The following TMEM196 variants were observed in gnomAD, a reference collection of about 807,000 sequenced individuals.
The protein encoded by TMEM196 is transmembrane protein 196.
Under a neutral mutation model 20.0 loss-of-function variants are expected in TMEM196, and 17 were observed. The observed-to-expected ratio is 0.85, with a 90% CI of 0.58 to 1.27. TMEM196 has a LOEUF of 1.27. Among genes scored for constraint, TMEM196 ranks in the 50% most tolerant of loss-of-function variants. The pLI, the probability that TMEM196 is intolerant of heterozygous loss-of-function variation, is 0.00. For synonymous variants in TMEM196, 113 were observed against 88.9 expected, an observed-to-expected ratio of 1.27 and a Z score of -1.52; for missense variants, 267 against 223.0, an observed-to-expected ratio of 1.20 and a Z score of -1.26.
intron 2 of TMEM196, among the ~76,000 whole-genome samples, chr7:19,727,761 G>A (rs1784052557): frequency 6.6e-6 from 1 of 152,128 alleles, no homozygotes; most frequent in South Asian, 2.1e-4. Flanking sequence ...TGTCTTTGCT[G>A]ATGTCATTCT....
intron 1 of TMEM196, among the ~76,000 whole-genome samples, chr7:19,765,693 C>T (rs1785600688): frequency 6.6e-6 from 1 of 152,066 alleles, no homozygotes; most frequent in Admixed American, 6.6e-5. Flanking sequence ...TTCTACCACC[C>T]TCTCTCACTC....
At chr7:19,755,302 C>A (rs543742343) in intron 1 of TMEM196, among the ~76,000 whole-genome samples, 1 of 152,082 alleles carries the variant, frequency 6.6e-6, no homozygotes, top group Admixed American at 6.6e-5. Flanking sequence ...TCCTCCTGGT[C>A]GACTGCTATT....
intron 1 of TMEM196, among the ~76,000 whole-genome samples, chr7:19,759,317 T>C (rs1785338087): frequency 6.6e-6 from 1 of 152,206 alleles, no homozygotes. Flanking sequence ...CTTACACCAC[T>C]CTTTTGGTCC....
chr7:19,747,309 A>G (rs1784795455), intron 1 of TMEM196, among the ~76,000 whole-genome samples: 1 of 151,780 alleles, frequency 6.6e-6, no homozygotes, highest in South Asian at 2.1e-4. Flanking sequence ...TAAAAAAAAG[A>G]AAATCCCTAT....
At chr7:19,763,374 A>G (rs1785505076) in intron 1 of TMEM196, among the ~76,000 whole-genome samples, 1 of 152,222 alleles carries the variant, frequency 6.6e-6, no homozygotes, top group South Asian at 2.1e-4. Context: ...GTACAAATTT[A>G]AAAAGAAGGC....
At chr7:19,730,250 C>T (rs905420104) in intron 1 of TMEM196, among the ~76,000 whole-genome samples, 1 of 140,674 alleles carries the variant, frequency 7.1e-6, no homozygotes, top group African/African-American at 2.7e-5. Flanking sequence ...AGCAAGACTC[C>T]GTCTCAAAAA....
At chr7:19,753,735 T>G (rs1252033004) in intron 1 of TMEM196, among the ~76,000 whole-genome samples, 1 of 152,200 alleles carries the variant, frequency 6.6e-6, no homozygotes, top group African/African-American at 2.4e-5. Flanking sequence ...TCAAATCCTA[T>G]AGTCTAATAC....
intron 1 of TMEM196, among the ~76,000 whole-genome samples, chr7:19,753,432 T>C (rs1286827241): frequency 6.6e-6 from 1 of 152,200 alleles, no homozygotes; most frequent in East Asian, 1.9e-4. Flanking sequence ...GTTCATTCTC[T>C]TTAACCCAGG....
At chr7:19,725,469 T>G (rs1449466547) in intron 3 of TMEM196, 45 bp downstream of exon 3, 7 of 1,562,732 alleles carry the variant, frequency 4.5e-6, no homozygotes, top group Admixed American at 1.7e-5. Flanking sequence ...TGGACTTCAG[T>G]CTTCATCATG....
rs1307491612 is a variant in TMEM196, at chr7:19,725,446, G to C, written c.459+68C>G. On this transcript the variant is annotated intron_variant, in intron 3 of 4. Coordinates refer to ENST00000405844, the MANE Select transcript of TMEM196 (RefSeq NM_001363562.2). The stretch of plus-strand genomic sequence containing the variant: ...AAATTGTGATCTAAAGTTTCAAGTT[G>C]ATTCACCCAGAGTGGACTTCAGTCT... The C allele has an allele frequency of 2.7e-6, 4 of 1,495,972 alleles. No individual in the cohort carries two copies. In the Admixed American group the frequency reaches 6.1e-5, roughly 23 times the overall value. The allele number at this position is 1,495,972 out of a possible 1,614,324, so 92.7% of individuals were successfully genotyped here. A position where few individuals can be genotyped will look rare whatever the true frequency, so the allele number is the denominator to read the frequency against.
intron 1 of TMEM196, among the ~76,000 whole-genome samples, chr7:19,758,766 C>T (rs1446613074): frequency 6.6e-6 from 1 of 152,192 alleles, no homozygotes; most frequent in African/African-American, 2.4e-5. Context: ...CTGCTAGAGT[C>T]TCAGGCTACA....
intron 1 of TMEM196, among the ~76,000 whole-genome samples, chr7:19,752,429 T>C (rs1785023697): frequency 6.6e-6 from 1 of 152,100 alleles, no homozygotes; most frequent in Non-Finnish European, 1.5e-5. Context: ...CAGTGAAATT[T>C]AGCTTTTATT....
At position 19,725,643 on chromosome 7, in the gene TMEM196, G is replaced by A. The variant is rs377237911; in HGVS notation, c.330C>T (p.Leu110=). ...TGCAGCCCCCGATCCCAATGCACGC[G>A]AGAGACATGGAGGCAAGGTGCAGTG... ...LYPLHLASMS[L]ACIGIGGCTL... Residue 110 remains leucine, a synonymous_variant, in exon 3 of 5, where the codon CTC becomes CTT. Coordinates refer to ENST00000405844, the MANE Select transcript of TMEM196 (RefSeq NM_001363562.2). 6.2e-6 allele frequency: 10 copies of A among 1,614,004 alleles called. No individual in the cohort carries two copies. The African/African-American group carries it at 6.7e-5, about 11-fold the overall frequency.
rs914051310 is a variant in TMEM196 at position 19,721,296 on chromosome 7, C to T, written c.*832G>A. The T allele has an allele frequency of 6.6e-6, 1 of 151,880 alleles. No individual in the cohort carries two copies. The highest frequency in any genetic ancestry group is 2.4e-5 in the African/African-American group (1 of 41,420). 9.4% of individuals were successfully genotyped at this position (151,880 alleles called of 1,614,324 possible). On this transcript the variant is annotated 3_prime_UTR_variant, in exon 5 of 5. Transcript: ENST00000405844. Reference sequence around the variant, plus strand: ...TTCTTTTCTAATACCTATTTACATTCATGTATGCTATAATATATGCTGTAT... The same window carrying T: ...TTCTTTTCTAATACCTATTTACATTTATGTATGCTATAATATATGCTGTAT...
In TMEM196 at chr7:19,752,246, T is replaced by C. The variant is rs142059983; in HGVS notation, c.147+20304A>G. On this transcript the variant is annotated intron_variant, in intron 1 of 4. Coordinates refer to ENST00000405844, the MANE Select transcript of TMEM196 (RefSeq NM_001363562.2). ...TTAATGAAAGAGATCTAGACTTACA[T>C]TGTCAGCTTCAGACTCAAAACATGA... Among the ~76,000 whole-genome samples, 569 of 152,298 alleles carry C rather than the reference T, an allele frequency of 3.7e-3. 7 individuals are homozygous for C. Among genetic ancestry groups the C allele is most frequent in the Non-Finnish European group, 3.2e-3 (215 of 68,018 alleles).
chr7:19,737,330 T>C (rs1784442254), intron 1 of TMEM196, among the ~76,000 whole-genome samples: 1 of 152,008 alleles, frequency 6.6e-6, no homozygotes, highest in Non-Finnish European at 1.5e-5. Flanking sequence ...TTGCTTGCGA[T>C]GTGAAGCAGC....
rs937258814 is a variant in TMEM196 at position 19,721,988 on chromosome 7, A to G, written c.*140T>C. 3.5e-6 allele frequency: 4 copies of G among 1,134,032 alleles called. No individual in the cohort carries two copies. Among genetic ancestry groups the G allele is most frequent in the Non-Finnish European group, 5.2e-6 (4 of 770,844 alleles). The allele number at this position is 1,134,032 out of a possible 1,614,324, so 70.2% of individuals were successfully genotyped here. On this transcript the variant is annotated 3_prime_UTR_variant, in exon 5 of 5. Coordinates refer to ENST00000405844, the MANE Select transcript of TMEM196 (RefSeq NM_001363562.2). ...GGATGCTCAGGAGAGATAAATGCAA[A>G]TGCAAAAACTGTTTTATTTTCTAGT...
At chr7:19,731,405 T>C (rs1784196117) in intron 1 of TMEM196, among the ~76,000 whole-genome samples, 2 of 152,224 alleles carry the variant, frequency 1.3e-5, no homozygotes, top group African/African-American at 4.8e-5. Flanking sequence ...CTCTTTCTGT[T>C]ACTAATTTCA....
At chr7:19,754,605 T>G (rs1785125050) in intron 1 of TMEM196, among the ~76,000 whole-genome samples, 1 of 152,158 alleles carries the variant, frequency 6.6e-6, no homozygotes, top group African/African-American at 2.4e-5. Flanking sequence ...AATTCTTTTC[T>G]GTAGTCATGG....
Sources: gnomAD v4.1 joint callset for allele counts (sites outside exome capture counted in the v4.1 genomes callset) on GRCh38, gnomAD v4.1.1 for gene constraint, MANE v1.5 for transcripts, NCBI Gene and HGNC (gene_info 2026-07-23, HGNC 2026-07-21) for gene names.